The following DNAJB6 variants were observed in gnomAD, a reference collection of about 807,000 sequenced individuals.
DNAJB6 encodes the protein dnaJ homolog subfamily B member 6.
In DNAJB6, 16 loss-of-function variants were observed where a neutral mutation model predicts 42.7. The ratio of observed to expected loss-of-function variants is 0.37; its 90% CI spans 0.25 to 0.57. DNAJB6 has a LOEUF of 0.57. Ranked by LOEUF, DNAJB6 falls within the 20% of genes least tolerant of loss-of-function variation. The pLI is 0.74. For missense variants in DNAJB6, 347 were observed against 416.8 expected, an observed-to-expected ratio of 0.83 and a Z score of 1.46; for synonymous variants, 170 against 163.5, an observed-to-expected ratio of 1.04 and a Z score of -0.30.
Position 157,384,722 on chromosome 7 carries a change from T to G in DNAJB6, c.479-145T>G, listed in dbSNP as rs943057428. The stretch of plus-strand genomic sequence containing the variant: ...CCCCTGGGCACCCCAGCACTTCAGC[T>G]GAGGCCTTGATAGTTGCGTCGTTTA... On this transcript the variant is annotated intron_variant, in intron 6 of 9. Transcript: ENST00000262177. The G allele has an allele frequency of 8.0e-6, 6 of 751,314 alleles. No individual in the cohort carries two copies. In the African/African-American group the frequency reaches 8.8e-5, roughly 11 times the overall value. 46.5% of individuals were successfully genotyped at this position (751,314 alleles called of 1,614,324 possible).
chr7:157,386,045 C>A, intron 8 of DNAJB6: 1 of 987,646 alleles, frequency 1.0e-6, no homozygotes, highest in East Asian at 1.1e-4. Flanking sequence ...GACGATTCTT[C>A]TACAGAAATA....
chr7:157,345,428 T>G (rs533302497), intron 1 of DNAJB6, among the ~76,000 whole-genome samples: 6 of 152,248 alleles, frequency 3.9e-5, no homozygotes, highest in African/African-American at 1.4e-4. Flanking sequence ...GATCCTGCCA[T>G]TTCAGCCTCC....
intron 8 of DNAJB6, chr7:157,386,078 A>C (rs1380187326): frequency 1.0e-6 from 1 of 985,536 alleles, no homozygotes; most frequent in African/African-American, 1.7e-5. Flanking sequence ...TTCAGTATTT[A>C]GTAGTGAAAG....
intron 5 of DNAJB6, chr7:157,379,187 T>C (rs979684678): frequency 5.9e-5 from 9 of 152,162 alleles, no homozygotes; most frequent in Non-Finnish European, 8.8e-5. Flanking sequence ...TGAATGTCAT[T>C]GTCTTAATTT....
intron 1 of DNAJB6, chr7:157,340,060 C>T (rs907021943): frequency 6.6e-6 from 1 of 152,178 alleles, no homozygotes; most frequent in Non-Finnish European, 1.5e-5. Flanking sequence ...CTGTAAAGGT[C>T]AGCTTCTATA....
chr7:157,400,352 G>A (rs556848357), intron 8 of DNAJB6, among the ~76,000 whole-genome samples: 1 of 152,376 alleles, frequency 6.6e-6, no homozygotes, highest in South Asian at 2.1e-4. Context: ...GGGTCCCCGC[G>A]CCTTCATGGA....
intron 9 of DNAJB6, chr7:157,411,427 T>TGGGG (rs1795972561): frequency 7.3e-6 from 1 of 136,164 alleles, no homozygotes; most frequent in Non-Finnish European, 1.6e-5. Flanking sequence ...TGAGCGGGCG[T>TGGGG]AGGGGAGGCT....
intron 8 of DNAJB6, among the ~76,000 whole-genome samples, chr7:157,409,308 C>T (rs1795886462): frequency 6.6e-6 from 1 of 152,178 alleles, no homozygotes; most frequent in Admixed American, 6.5e-5. Context: ...TTGGGCGGGG[C>T]TGTGGCTCCC....
chr7:157,367,263 T>C (rs1799889897), intron 4 of DNAJB6, 110 bp from the exon 5 acceptor site: 1 of 729,410 alleles, frequency 1.4e-6, no homozygotes, highest in African/African-American at 1.8e-5. Context: ...GTTTATGAAA[T>C]ATTTTTGTTT....
In DNAJB6 at chr7:157,358,260, C is replaced by T. The variant is rs184298343; in HGVS notation, c.-26-287C>T. ...TTTGTCAGCTAGTGGTCAAGTGGCA[C>T]GGAGTCTCTGCCTAGAGTCACCTGT... On this transcript the variant is annotated intron_variant, in intron 1 of 9. Coordinates refer to ENST00000262177, the MANE Select transcript of DNAJB6 (RefSeq NM_058246.4). Among the ~76,000 whole-genome samples, 233 of 152,292 alleles carry T rather than the reference C, an allele frequency of 1.5e-3. 4 individuals carry two copies. Among genetic ancestry groups the T allele is most frequent in the East Asian group, 1.9e-4 (1 of 5,188 alleles).
intron 8 of DNAJB6, among the ~76,000 whole-genome samples, chr7:157,397,137 C>T (rs1801627433): frequency 1.3e-5 from 2 of 152,220 alleles, no homozygotes; most frequent in Non-Finnish European, 2.9e-5. Flanking sequence ...CCTGCGAGGC[C>T]CGTGTGAAGC....
intron 2 of DNAJB6, 113 bp downstream of exon 2, chr7:157,358,750 T>C: frequency 1.3e-6 from 1 of 788,412 alleles, no homozygotes. Flanking sequence ...TATACCAGTC[T>C]TTGAATGCCA....
intron 1 of DNAJB6, among the ~76,000 whole-genome samples, chr7:157,346,281 C>T (rs1468272457): frequency 1.5e-5 from 2 of 134,270 alleles, no homozygotes; most frequent in East Asian, 4.5e-4. Flanking sequence ...TCCGGGCACA[C>T]TGCCTATGGG....
At chr7:157,396,133 G>GAGAC (rs903077966) in intron 8 of DNAJB6, among the ~76,000 whole-genome samples, 1 of 152,006 alleles carries the variant, frequency 6.6e-6, no homozygotes, top group Admixed American at 6.5e-5. Context: ...ATTTTTAGGA[G>GAGAC]AGACAGAGTT....
rs1373346424 is a variant in DNAJB6 at position 157,340,228 on chromosome 7, CTT to C, written c.-27+3088_-27+3089del. Among the ~76,000 whole-genome samples the C allele has an allele frequency of 3.3e-5, 5 of 152,304 alleles. No individual in the cohort carries two copies. The South Asian group carries it at 8.3e-4, about 25-fold the overall frequency. ...GCGTTTTTTGGAAACCTTTTTAAAACTTTTTCATTTCCTCAGAAATGATTCTG... is the reference window on the plus strand; with the variant it reads ...GCGTTTTTTGGAAACCTTTTTAAAACTTTCATTTCCTCAGAAATGATTCTG... On this transcript the variant is annotated intron_variant, in intron 1 of 9. Coordinates refer to ENST00000262177, the MANE Select transcript of DNAJB6 (RefSeq NM_058246.4).
chr7:157,405,124 C>T (rs1314942164), intron 8 of DNAJB6, among the ~76,000 whole-genome samples: 1 of 152,218 alleles, frequency 6.6e-6, no homozygotes, highest in Non-Finnish European at 1.5e-5. Flanking sequence ...AGAACACTAC[C>T]TCCAGGTCCT....
chr7:157,382,624 A>C (rs1800844059), intron 6 of DNAJB6: 1 of 282,672 alleles, frequency 3.5e-6, no homozygotes, highest in Admixed American at 5.2e-5. Context: ...GAATGTAATG[A>C]AATTCTTAGT....
chr7:157,401,015 C>G (rs1030319108), intron 8 of DNAJB6, among the ~76,000 whole-genome samples: 1 of 152,154 alleles, frequency 6.6e-6, no homozygotes, highest in African/African-American at 2.4e-5. Context: ...GAGGGACTTA[C>G]CCGCTGTGGT....
intron 6 of DNAJB6, 102 bp downstream of exon 6, chr7:157,382,479 C>A (rs1343138188): frequency 7.7e-7 from 1 of 1,307,144 alleles, no homozygotes; most frequent in Non-Finnish European, 1.0e-6. Context: ...ATGTGTATAC[C>A]TTTCGTAGAA....
Sources: gnomAD v4.1 joint callset for allele counts (sites outside exome capture counted in the v4.1 genomes callset) on GRCh38, gnomAD v4.1.1 for gene constraint, MANE v1.5 for transcripts, NCBI Gene and HGNC (gene_info 2026-07-23, HGNC 2026-07-21) for gene names.